TRERF1: variants seen among roughly 807,000 people sequenced by gnomAD.
The protein encoded by TRERF1 is transcriptional regulating factor 1, also known as transcriptional-regulating factor 1.
In TRERF1, 27 loss-of-function variants were observed where a neutral mutation model predicts 122.9. That is an observed-to-expected ratio of 0.22 (90% CI 0.16 to 0.30). The LOEUF (loss-of-function observed/expected upper bound fraction) is 0.30, where lower values mean the gene tolerates loss of function less well. Among genes scored for constraint, TRERF1 ranks in the 10% least tolerant of loss-of-function variants. The probability of loss-of-function intolerance (pLI) is 1.00; values close to 1 mark genes in which losing one functional copy is unlikely to be tolerated. For synonymous variants in TRERF1, 636 were observed against 641.7 expected (o/e 0.99, Z 0.13); for missense variants, 1,248 against 1,560.3 (o/e 0.80, Z 3.37).
At chr6:42,408,227 A>ATATATGTG (rs150915297) in intron 2 of TRERF1, among the ~76,000 whole-genome samples, 10 of 116,708 alleles carry the variant, frequency 8.6e-5, no homozygotes, top group Admixed American at 7.8e-4. Context: ...ATATATATAT[A>ATATATGTG]TGTGTGTGTG....
At chr6:42,287,903 C>A (rs1314701968) in intron 4 of TRERF1, among the ~76,000 whole-genome samples, 1 of 152,156 alleles carries the variant, frequency 6.6e-6, no homozygotes, top group African/African-American at 2.4e-5. Context: ...AAAGCCCTCA[C>A]AATCTGGTCT....
rs1417558738 is a variant in TRERF1, at chr6:42,268,584, A to C, written c.1007T>G (p.Leu336Trp). The change falls in exon 5 of 18, where the codon TTG (leucine) becomes TGG (tryptophan). Residue 336 changes from leucine to tryptophan, a missense_variant. Physicochemically the swap from Leu to Trp is moderately conservative, Grantham distance 61. Coordinates refer to ENST00000372922, the Ensembl canonical transcript of TRERF1. This position sits in a 1 kb window ranked among gnomAD's most constrained non-coding sequence, Gnocchi z 4.4. ...CATCTGTTGCTGCTGCTGCTCTTGC[A>C]AGTGCTGCATCATGGGTTGGGGCTG... The C allele has an allele frequency of 6.2e-7, 1 of 1,614,062 alleles. No individual in the cohort carries two copies. The highest frequency in any genetic ancestry group is 8.5e-7 in the Non-Finnish European group (1 of 1,179,960).
At chr6:42,243,855 C>T (rs1279789490) in intron 14 of TRERF1, among the ~76,000 whole-genome samples, 10 of 148,174 alleles carry the variant, frequency 6.7e-5, no homozygotes, top group South Asian at 2.1e-4. Context: ...ACTGGGATTA[C>T]GGGCGTGAGT....
At chr6:42,316,229 C>T (rs1428151295) in intron 3 of TRERF1, among the ~76,000 whole-genome samples, 2 of 152,176 alleles carry the variant, frequency 1.3e-5, no homozygotes, top group Non-Finnish European at 2.9e-5. Context: ...TCCTCCTCCC[C>T]GCATTGCTAA....
chr6:42,399,384 C>A (rs1387936385), intron 2 of TRERF1, among the ~76,000 whole-genome samples: 1 of 152,146 alleles, frequency 6.6e-6, no homozygotes, highest in African/African-American at 2.4e-5. Flanking sequence ...CTAAATTCCA[C>A]CCCAGAGCTC....
chr6:42,318,670 G>C (rs1762898646), intron 3 of TRERF1, among the ~76,000 whole-genome samples: 1 of 152,252 alleles, frequency 6.6e-6, no homozygotes, highest in Non-Finnish European at 1.5e-5. Context: ...TGTAAATAAA[G>C]CTTTATTAGA....
At chr6:42,384,446 T>C (rs1287424846) in intron 2 of TRERF1, among the ~76,000 whole-genome samples, 1 of 152,242 alleles carries the variant, frequency 6.6e-6, no homozygotes, top group African/African-American at 2.4e-5. Context: ...CATATTCATA[T>C]ACACATTTAT....
chr6:42,317,348 T>TTTTG (rs201001991), intron 3 of TRERF1, among the ~76,000 whole-genome samples: 4,408 of 151,806 alleles, frequency 0.029, 96 homozygotes, highest in East Asian at 0.072. Context: ...CCTCAGTAGT[T>TTTTG]TTTGTTTGTT....
chr6:42,327,982 C>CTAA (rs756590752), intron 3 of TRERF1, among the ~76,000 whole-genome samples: 18 of 148,442 alleles, frequency 1.2e-4, no homozygotes, highest in South Asian at 4.3e-4. Context: ...ATTACTATCC[C>CTAA]TAATTTTCTT....
chr6:42,445,353 GACACACACACACACAC>G (rs57862861), intron 2 of TRERF1, among the ~76,000 whole-genome samples: 1 of 86,630 alleles, frequency 1.2e-5, no homozygotes, highest in East Asian at 2.4e-4. Flanking sequence ...TACACACACA[GACACACACACACACAC>G]ACACACACAC....
intron 2 of TRERF1, among the ~76,000 whole-genome samples, chr6:42,425,079 G>A (rs1562186627): frequency 6.6e-6 from 1 of 152,262 alleles, no homozygotes; most frequent in African/African-American, 2.4e-5. Context: ...GTTATCATGG[G>A]GGTAAAAGTG....
intron 13 of TRERF1, among the ~76,000 whole-genome samples, chr6:42,249,353 C>G (rs1008150559): frequency 6.6e-6 from 1 of 152,174 alleles, no homozygotes; most frequent in African/African-American, 2.4e-5. Context: ...CTTTTTTCTA[C>G]CCACCAGGCT....
chr6:42,243,241 C>T lies in TRERF1; in HGVS notation c.2859+7G>A. On this transcript the variant is annotated splice_region_variant and intron_variant, in intron 15 of 17. Transcript: ENST00000372922. Reference sequence around the variant, plus strand: ...AGCACAAGCAACAACTTAGCAGCTTCACTCACCACACAATCGTCGATGATT... The same window carrying T: ...AGCACAAGCAACAACTTAGCAGCTTTACTCACCACACAATCGTCGATGATT... 6.2e-7 allele frequency: 1 copy of T among 1,611,860 alleles called. No homozygotes were observed. The highest frequency in any genetic ancestry group is 8.5e-7 in the Non-Finnish European group (1 of 1,177,974).
chr6:42,305,983 C>T (rs1787137471), intron 3 of TRERF1, among the ~76,000 whole-genome samples: 1 of 143,440 alleles, frequency 7.0e-6, no homozygotes, highest in Non-Finnish European at 1.5e-5. Context: ...ATTCTCTCTC[C>T]AAATATCTCT....
intron 2 of TRERF1, among the ~76,000 whole-genome samples, chr6:42,408,951 T>C (rs1780710296): frequency 6.6e-6 from 1 of 152,160 alleles, no homozygotes; most frequent in Non-Finnish European, 1.5e-5. Context: ...ATTGTAAAAT[T>C]ATTTCTTTCA....
intron 3 of TRERF1, among the ~76,000 whole-genome samples, chr6:42,318,287 C>T (rs1762834960): frequency 6.6e-6 from 1 of 152,176 alleles, no homozygotes; most frequent in Non-Finnish European, 1.5e-5. Flanking sequence ...TTAAACCAGC[C>T]CCCAACACTG....
chr6:42,231,163 G>A (rs935150148), intron 17 of TRERF1, among the ~76,000 whole-genome samples: 30 of 152,140 alleles, frequency 2.0e-4, no homozygotes, highest in Admixed American at 2.0e-4. Flanking sequence ...GATTCATGCC[G>A]ATTATAATAG....
chr6:42,438,539 G>C (rs1785886767), intron 2 of TRERF1, among the ~76,000 whole-genome samples: 1 of 150,882 alleles, frequency 6.6e-6, no homozygotes, highest in Non-Finnish European at 1.5e-5. Flanking sequence ...GAATCTGGGA[G>C]GTGGAGGTTG....
At position 42,275,846 on chromosome 6, in the gene TRERF1, T is replaced by C. The variant is rs1299349078; in HGVS notation, c.-258-5998A>G. Among the ~76,000 whole-genome samples, 5 of 152,180 alleles carry C rather than the reference T, an allele frequency of 3.3e-5. No homozygotes were observed. Among genetic ancestry groups the C allele is most frequent in the African/African-American group, 1.2e-4 (5 of 41,428 alleles). On this transcript the variant is annotated intron_variant, in intron 4 of 17. Transcript: ENST00000372922. This position sits in a 1 kb window ranked among gnomAD's most constrained non-coding sequence, Gnocchi z 4.1. ...TATTTTCAGCTTTGGGGCCCATACA[T>C]ATGGTTTCTGTCACAACGCTGCCAC...
Sources: allele counts gnomAD v4.1 joint callset (sites outside exome capture counted in the v4.1 genomes callset), GRCh38; gene constraint gnomAD v4.1.1; non-coding constraint Gnocchi (gnomAD v3.1); transcripts MANE v1.5; gene names NCBI Gene and HGNC (gene_info 2026-07-23, HGNC 2026-07-21).